Variants in MOB3B observed in about 807,000 individuals in gnomAD.
MOB3B encodes MOB kinase activator-like 2B.
A neutral mutation model predicts 18.7 loss-of-function variants in MOB3B; 7 were observed. The ratio of observed to expected loss-of-function variants is 0.37; its 90% confidence interval spans 0.21 to 0.70. The LOEUF (loss-of-function observed/expected upper bound fraction) is 0.70, where lower values mean the gene tolerates loss of function less well. Ranked by LOEUF, MOB3B falls within the 30% of genes least tolerant of loss-of-function variation. The pLI is 0.52. For missense variants in MOB3B, 253 were observed against 281.3 expected, an observed-to-expected ratio of 0.90 and a Z score of 0.72; for synonymous variants, 111 against 99.9, an observed-to-expected ratio of 1.11 and a Z score of -0.66.
intron 2 of MOB3B, among the ~76,000 whole-genome samples, chr9:27,406,713 CT>C (rs756601864): frequency 6.6e-5 from 10 of 152,212 alleles, no homozygotes; most frequent in Non-Finnish European, 1.0e-4. Context: ...ATCTCTCTCT[CT>C]TTTCATCACA....
chr9:27,489,640 G>C (rs1208823833), intron 1 of MOB3B, among the ~76,000 whole-genome samples: 4 of 151,970 alleles, frequency 2.6e-5, no homozygotes, highest in Non-Finnish European at 5.9e-5. Context: ...ATGGGGGTTG[G>C]AGGTAGCTTC....
intron 3 of MOB3B, among the ~76,000 whole-genome samples, chr9:27,341,810 G>A (rs1318399846): frequency 6.6e-6 from 1 of 152,170 alleles, no homozygotes; most frequent in African/African-American, 2.4e-5. Context: ...ACTTGGCAGA[G>A]CGAGAATTCA....
In MOB3B at chr9:27,345,982, T is replaced by C. The variant is rs148089511; in HGVS notation, c.621+13052A>G. On this transcript the variant is annotated intron_variant, in intron 3 of 3. Coordinates refer to ENST00000262244, the MANE Select transcript of MOB3B (RefSeq NM_024761.5). The stretch of plus-strand genomic sequence containing the variant: ...CAAATACCATGCTATAATTTGAATG[T>C]TGGTGTCTTCCAAAATTCATGCTGG... 8.5e-5 allele frequency among the ~76,000 whole-genome samples: 13 copies of C among 152,332 alleles called. No individual in the cohort carries two copies. The East Asian group carries it at 2.3e-3, about 27-fold the overall frequency.
At chr9:27,446,820 G>C (rs1266767833) in intron 2 of MOB3B, among the ~76,000 whole-genome samples, 3 of 152,144 alleles carry the variant, frequency 2.0e-5, no homozygotes, top group Admixed American at 1.3e-4. Context: ...AATTATGCTA[G>C]TAAAATCATC....
intron 2 of MOB3B, among the ~76,000 whole-genome samples, chr9:27,430,299 T>G (rs1272935926): frequency 6.6e-6 from 1 of 152,140 alleles, no homozygotes; most frequent in Non-Finnish European, 1.5e-5. Flanking sequence ...TCATGGTCTT[T>G]GATTCATTTC....
chr9:27,399,776 G>A (rs1821850872), intron 2 of MOB3B, among the ~76,000 whole-genome samples: 1 of 152,156 alleles, frequency 6.6e-6, no homozygotes, highest in East Asian at 1.9e-4. Context: ...TCTTGAAAAT[G>A]TATTAGCATC....
intron 1 of MOB3B, among the ~76,000 whole-genome samples, chr9:27,472,901 G>T (rs1819494919): frequency 6.6e-6 from 1 of 152,192 alleles, no homozygotes; most frequent in Admixed American, 6.5e-5. Context: ...CACAAGTTAA[G>T]ACTGTCATTT....
intron 1 of MOB3B, among the ~76,000 whole-genome samples, chr9:27,501,734 C>T (rs113806368): frequency 0.012 from 1,771 of 145,804 alleles, 35 homozygotes; most frequent in African/African-American, 0.042. Flanking sequence ...CCCACTGCAC[C>T]GTAGTCTGGG....
intron 1 of MOB3B, among the ~76,000 whole-genome samples, chr9:27,482,457 G>T (rs904501454): frequency 6.6e-6 from 1 of 152,208 alleles, no homozygotes; most frequent in African/African-American, 2.4e-5. Flanking sequence ...AGAGGAGGAA[G>T]AAGAGAAAGG....
chr9:27,434,935 T>C (rs538029984), intron 2 of MOB3B, among the ~76,000 whole-genome samples: 1 of 152,306 alleles, frequency 6.6e-6, no homozygotes, highest in South Asian at 2.1e-4. Flanking sequence ...TCTTGGCATG[T>C]TGACTATTTC....
At chr9:27,482,788 G>C (rs1819680635) in intron 1 of MOB3B, among the ~76,000 whole-genome samples, 1 of 152,140 alleles carries the variant, frequency 6.6e-6, no homozygotes, top group Non-Finnish European at 1.5e-5. Context: ...TTTTAAGTTT[G>C]GTTGTACTCT....
chr9:27,359,097 GT>G lies in MOB3B; in HGVS notation c.557del (p.Tyr186SerfsTer11). The G allele has an allele frequency of 1.2e-6, 2 of 1,614,132 alleles. No homozygotes were observed. Among genetic ancestry groups the G allele is most frequent in the Non-Finnish European group, 1.7e-6 (2 of 1,180,022 alleles). ...MGAEAHVNTC[Y>X]KHFYYFVTEM... ...CTGTGACAAAGTAATAGAAGTGTTT[GT>G]AGCAGGTGTTGACATGGGCCTCTGC... On this transcript the variant is annotated frameshift_variant, in exon 3 of 4. Transcript: ENST00000262244. LOFTEE classifies it high-confidence loss of function.
intron 2 of MOB3B, among the ~76,000 whole-genome samples, chr9:27,446,809 A>G (rs1374459876): frequency 6.6e-6 from 1 of 152,198 alleles, no homozygotes; most frequent in African/African-American, 2.4e-5. Flanking sequence ...AGAGAGACTA[A>G]AATTATGCTA....
intron 2 of MOB3B, among the ~76,000 whole-genome samples, chr9:27,404,020 G>T (rs1821927372): frequency 6.6e-6 from 1 of 152,006 alleles, no homozygotes; most frequent in Non-Finnish European, 1.5e-5. Context: ...GCTAACACTA[G>T]AACTCACTCC....
chr9:27,488,891 C>G (rs1819771771), intron 1 of MOB3B, among the ~76,000 whole-genome samples: 1 of 152,198 alleles, frequency 6.6e-6, no homozygotes, highest in Non-Finnish European at 1.5e-5. Flanking sequence ...CCAGGGCTGA[C>G]AAATTGACTG....
chr9:27,339,857 C>T (rs920869074), intron 3 of MOB3B, among the ~76,000 whole-genome samples: 8 of 152,226 alleles, frequency 5.3e-5, no homozygotes, highest in African/African-American at 7.2e-5. Flanking sequence ...CTGGCAGGAC[C>T]GTTCCCAGGA....
intron 2 of MOB3B, among the ~76,000 whole-genome samples, chr9:27,426,120 T>C (rs1052174903): frequency 1.3e-5 from 2 of 152,310 alleles, no homozygotes; most frequent in Admixed American, 6.5e-5. Flanking sequence ...TAAGTGCTAC[T>C]GTTATCCCCC....
intron 3 of MOB3B, among the ~76,000 whole-genome samples, chr9:27,349,749 A>G (rs1442646376): frequency 1.3e-5 from 2 of 152,202 alleles, no homozygotes; most frequent in Non-Finnish European, 2.9e-5. Flanking sequence ...TCTAGGGAGA[A>G]ATGTTGAGCA....
chr9:27,468,192 C>T (rs1303908923), intron 1 of MOB3B, among the ~76,000 whole-genome samples: 1 of 152,168 alleles, frequency 6.6e-6, no homozygotes, highest in Non-Finnish European at 1.5e-5. Context: ...TCATAGGGTG[C>T]ATTTGTACCA....
Sources: allele counts gnomAD v4.1 joint callset (sites outside exome capture counted in the v4.1 genomes callset), GRCh38; gene constraint gnomAD v4.1.1; transcripts MANE v1.5; gene names NCBI Gene and HGNC (gene_info 2026-07-23, HGNC 2026-07-21).